NIBAN2: variants seen among roughly 807,000 people sequenced by gnomAD.
The protein encoded by NIBAN2 is niban apoptosis regulator 2, also known as protein Niban 2.
In NIBAN2, 36 loss-of-function variants were observed where a neutral mutation model predicts 81.8. That is an observed-to-expected ratio of 0.44 (90% confidence interval 0.34 to 0.58). The LOEUF is 0.58. Among genes scored for constraint, NIBAN2 ranks in the 20% least tolerant of loss-of-function variants. NIBAN2 has a pLI of 0.02. For synonymous variants in NIBAN2, 445 were observed against 441.6 expected, an observed-to-expected ratio of 1.01 and a Z score of -0.10; for missense variants, 897 against 1,014.1, an observed-to-expected ratio of 0.88 and a Z score of 1.57.
At chr9:127,520,754 C>T (rs1217366324) in intron 5 of NIBAN2, among the ~76,000 whole-genome samples, 2 of 151,984 alleles carry the variant, frequency 1.3e-5, no homozygotes, top group East Asian at 1.9e-4. Context: ...TGTGGTGGCA[C>T]ACGCCTGTAG....
At chr9:127,555,181 T>C (rs958614258) in intron 1 of NIBAN2, among the ~76,000 whole-genome samples, 2 of 152,204 alleles carry the variant, frequency 1.3e-5, no homozygotes, top group Non-Finnish European at 2.9e-5. Flanking sequence ...CATGCTGTAA[T>C]GTAACCATTT....
At chr9:127,526,833 G>C (rs571678807) in intron 3 of NIBAN2, among the ~76,000 whole-genome samples, 1 of 152,320 alleles carries the variant, frequency 6.6e-6, no homozygotes, top group South Asian at 2.1e-4. Context: ...GAGGGTGGGA[G>C]GGGTCGGAGG....
chr9:127,562,394 T>C (rs1837789232), intron 1 of NIBAN2, among the ~76,000 whole-genome samples: 2 of 152,346 alleles, frequency 1.3e-5, no homozygotes, highest in South Asian at 4.1e-4. Flanking sequence ...GCTTGGCACA[T>C]AGCAAGTGCT....
chr9:127,516,401 C>T (rs754178746), intron 8 of NIBAN2, among the ~76,000 whole-genome samples: 3 of 151,942 alleles, frequency 2.0e-5, no homozygotes, highest in African/African-American at 4.8e-5. Flanking sequence ...AAAAGTTAGC[C>T]GGGCATGGTG....
intron 1 of NIBAN2, among the ~76,000 whole-genome samples, chr9:127,568,291 C>A (rs1837893070): frequency 6.6e-6 from 1 of 152,196 alleles, no homozygotes; most frequent in South Asian, 2.1e-4. Context: ...CGATCCCTGG[C>A]CCCACTCCCC....
At chr9:127,510,010 T>C (rs1836703025) in intron 9 of NIBAN2, 136 bp downstream of exon 9, 2 of 764,138 alleles carry the variant, frequency 2.6e-6, no homozygotes, top group East Asian at 2.8e-5. Flanking sequence ...CTGCCCCTAG[T>C]CCCCAGCAGC....
intron 2 of NIBAN2, among the ~76,000 whole-genome samples, chr9:127,528,873 C>T (rs546228315): frequency 3.9e-4 from 59 of 152,330 alleles, no homozygotes; most frequent in African/African-American, 1.4e-3. Context: ...GGGCAGGAGC[C>T]CCGGGACACA....
intron 2 of NIBAN2, 144 bp from the exon 3 acceptor site, chr9:127,527,466 A>G: frequency 4.1e-6 from 3 of 730,354 alleles, no homozygotes; most frequent in Non-Finnish European, 6.9e-6. Flanking sequence ...AGTCCTCCCA[A>G]GGCCTCTGAG....
At chr9:127,510,668 C>T (rs1055997100) in intron 8 of NIBAN2, among the ~76,000 whole-genome samples, 6 of 152,096 alleles carry the variant, frequency 3.9e-5, no homozygotes, top group Non-Finnish European at 7.4e-5. Flanking sequence ...AACTCCTCAC[C>T]TCGTGATCCA....
chr9:127,553,235 C>G (rs1451597444), intron 1 of NIBAN2, among the ~76,000 whole-genome samples: 1 of 152,218 alleles, frequency 6.6e-6, no homozygotes. Flanking sequence ...ACTGGGGAAG[C>G]TCAAAGTTGA....
At chr9:127,520,871 A>G (rs1257408936) in intron 5 of NIBAN2, among the ~76,000 whole-genome samples, 1 of 152,184 alleles carries the variant, frequency 6.6e-6, no homozygotes, top group African/African-American at 2.4e-5. Context: ...GTGACAGAGC[A>G]AGCCTCTGTC....
intron 1 of NIBAN2, among the ~76,000 whole-genome samples, chr9:127,540,320 A>G (rs567944631): frequency 2.4e-4 from 37 of 152,162 alleles, no homozygotes; most frequent in Admixed American, 1.8e-3. Context: ...AGATAGGGGA[A>G]CTGAGGCTCA....
chr9:127,564,746 G>A (rs1401516163), intron 1 of NIBAN2, among the ~76,000 whole-genome samples: 2 of 151,314 alleles, frequency 1.3e-5, no homozygotes, highest in African/African-American at 2.4e-5. Flanking sequence ...GGTGGTGCAC[G>A]CCTGTAATCC....
chr9:127,551,909 T>A (rs965549054), intron 1 of NIBAN2, among the ~76,000 whole-genome samples: 1 of 152,128 alleles, frequency 6.6e-6, no homozygotes, highest in Non-Finnish European at 1.5e-5. Flanking sequence ...CTGTATCCTT[T>A]GTGGCTCACC....
Position 127,559,416 on chromosome 9 carries a change from G to C in NIBAN2, c.55+9404C>G, listed in dbSNP as rs1271308786. Among the ~76,000 whole-genome samples, 1 of 152,220 alleles carries C rather than the reference G, an allele frequency of 6.6e-6. No individual in the cohort carries two copies. Among genetic ancestry groups the C allele is most frequent in the African/African-American group, 2.4e-5 (1 of 41,448 alleles). On this transcript the variant is annotated intron_variant, in intron 1 of 13. Transcript: ENST00000373312. The surrounding 1 kb of genome is among the most constrained non-coding windows in gnomAD (Gnocchi z 4.0). ...AAGTGAGGAGGAGGCACAGAGAAAA[G>C]GAAGGGCTTGTCAGAGGCCTCCAGG...
Position 127,508,138 on chromosome 9 carries a change from G to C in NIBAN2, c.1497C>G (p.Ile499Met), listed in dbSNP as rs1441547016. The change falls in exon 12 of 14, where the codon ATC becomes ATG. Residue 499 changes from isoleucine (I) to methionine (M), a missense_variant. By Grantham distance (10) the Ile-to-Met change is conservative (BLOSUM62 1). Coordinates refer to ENST00000373312, the MANE Select transcript of NIBAN2 (RefSeq NM_022833.4). The surrounding 1 kb of genome is among the most constrained non-coding windows in gnomAD (Gnocchi z 6.4). ...GCTTCTTGAGCAGGAACGGGATGCT[G>C]ATCTGCAGCAGCGCCTCCCGGAAGA... ...KRFFREALLQ[I>M]SIPFLLKKLA... 3 of 1,613,622 alleles carry C rather than the reference G, an allele frequency of 1.9e-6. No individual in the cohort carries two copies. In the South Asian group the frequency reaches 3.3e-5, roughly 18 times the overall value.
chr9:127,558,273 C>T (rs929745402), intron 1 of NIBAN2, among the ~76,000 whole-genome samples: 1 of 152,158 alleles, frequency 6.6e-6, no homozygotes, highest in East Asian at 1.9e-4. Flanking sequence ...TTCTGCAGCC[C>T]CACCCGGCCC....
chr9:127,511,076 G>A (rs865895504), intron 8 of NIBAN2, among the ~76,000 whole-genome samples: 1 of 151,918 alleles, frequency 6.6e-6, no homozygotes, highest in South Asian at 2.1e-4. Flanking sequence ...ACAGAGTCTC[G>A]TGCTGTCGCC....
Position 127,526,593 on chromosome 9 carries a change from G to A in NIBAN2, c.315+601C>T, listed in dbSNP as rs73599534. On this transcript the variant is annotated intron_variant, in intron 3 of 13. Coordinates refer to ENST00000373312, the MANE Select transcript of NIBAN2 (RefSeq NM_022833.4). ...TATGTTGCTCTAACATTGATCTTCC[G>A]TGAAATACAGGGCCCAGGCCTGTCC... Among the ~76,000 whole-genome samples, 1,394 of 152,166 alleles carry A rather than the reference G, an allele frequency of 9.2e-3. 27 individuals carry two copies. Among genetic ancestry groups the A allele is most frequent in the African/African-American group, 0.032 (1,322 of 41,500 alleles).
Sources: gnomAD v4.1 joint callset for allele counts (sites outside exome capture counted in the v4.1 genomes callset) on GRCh38, gnomAD v4.1.1 for gene constraint, Gnocchi (gnomAD v3.1) non-coding constraint, MANE v1.5 for transcripts, NCBI Gene and HGNC (gene_info 2026-07-23, HGNC 2026-07-21) for gene names.